The following QRSL1 variants were observed in gnomAD, a reference collection of about 807,000 sequenced individuals.
QRSL1 encodes the protein glutamyl-tRNA(Gln) amidotransferase subunit A, mitochondrial.
In QRSL1, 54 loss-of-function variants were observed where a neutral mutation model predicts 61.6. The ratio of observed to expected loss-of-function variants is 0.88; its 90% CI spans 0.70 to 1.10. The LOEUF is 1.10. Ranked by LOEUF, QRSL1 falls within the 50% of genes least tolerant of loss-of-function variation. QRSL1 has a pLI of 0.00. For missense variants in QRSL1, 505 were observed against 622.6 expected, an observed-to-expected ratio of 0.81 and a Z score of 2.01; for synonymous variants, 228 against 225.7, an observed-to-expected ratio of 1.01 and a Z score of -0.09.
At chr6:106,648,082 G>A (rs1777139963) in intron 4 of QRSL1, among the ~76,000 whole-genome samples, 1 of 151,714 alleles carries the variant, frequency 6.6e-6, no homozygotes, top group African/African-American at 2.4e-5. Context: ...TGGATTACGA[G>A]GTCAAGAGAT....
At chr6:106,662,265 A>G (rs1777369309) in intron 9 of QRSL1, among the ~76,000 whole-genome samples, 1 of 152,160 alleles carries the variant, frequency 6.6e-6, no homozygotes, top group Non-Finnish European at 1.5e-5. Context: ...GTTGCTGTGT[A>G]CTTTACTTTC....
Position 106,666,065 on chromosome 6 carries a change from G to T in QRSL1, c.*63G>T. Reference sequence around the variant, plus strand: ...GCAGTGGCTCACACCTGTAATCCCAGCACTTTGGGAGGCCAAGGCGAGCGG... The same window carrying T: ...GCAGTGGCTCACACCTGTAATCCCATCACTTTGGGAGGCCAAGGCGAGCGG... On this transcript the variant is annotated 3_prime_UTR_variant, in exon 11 of 11. Transcript: ENST00000369046. 10 of 1,413,486 alleles carry T rather than the reference G, an allele frequency of 7.1e-6. No homozygotes were observed. The South Asian group carries it at 1.2e-4, about 17-fold the overall frequency. The allele number at this position is 1,413,486 out of a possible 1,614,324, so 87.6% of individuals were successfully genotyped here.
At chr6:106,645,898 T>C (rs1777100135) in intron 4 of QRSL1, among the ~76,000 whole-genome samples, 1 of 152,222 alleles carries the variant, frequency 6.6e-6, no homozygotes, top group African/African-American at 2.4e-5. Context: ...TGTAGCAAAT[T>C]GTGTAGTCTA....
At chr6:106,663,238 C>T (rs1162143511) in intron 10 of QRSL1, 53 bp downstream of exon 10, 1 of 1,552,392 alleles carries the variant, frequency 6.4e-7, no homozygotes, top group Non-Finnish European at 8.9e-7. Context: ...AGGCAGGTAC[C>T]CTGGTCTTCA....
At chr6:106,639,149 CAG>C (rs1266856898) in intron 1 of QRSL1, among the ~76,000 whole-genome samples, 2 of 70,108 alleles carry the variant, frequency 2.9e-5, no homozygotes, top group African/African-American at 1.7e-4. Flanking sequence ...TTTTTTTTGA[CAG>C]AGTCTGGCTC....
At position 106,663,461 on chromosome 6, in the gene QRSL1, C is replaced by A. The variant is rs188136167; in HGVS notation, c.1366+276C>A. 8.5e-5 allele frequency among the ~76,000 whole-genome samples: 13 copies of A among 152,268 alleles called. No homozygotes were observed. The East Asian group carries it at 2.5e-3, about 29-fold the overall frequency. The stretch of plus-strand genomic sequence containing the variant: ...TGAGCAGCTTCCACTTCTGCGAATG[C>A]CTCAGGAAACTTAAATTCACAGTGG... On this transcript the variant is annotated intron_variant, in intron 10 of 10. Transcript: ENST00000369046.
rs1777008221 is a variant in QRSL1, at chr6:106,640,814, T to G, written c.185-9T>G. On this transcript the variant is annotated splice_polypyrimidine_tract_variant and intron_variant, in intron 2 of 10. Coordinates refer to ENST00000369046, the MANE Select transcript of QRSL1 (RefSeq NM_018292.5). Reference sequence around the variant, plus strand: ...TCTCCTTTATCACTCTTTTGGCTTTTTAATGCAGGACAGTCACTTGGGGAT... The same window carrying G: ...TCTCCTTTATCACTCTTTTGGCTTTGTAATGCAGGACAGTCACTTGGGGAT... 6.2e-7 allele frequency: 1 copy of G among 1,610,252 alleles called. No individual in the cohort carries two copies. Among genetic ancestry groups the G allele is most frequent in the Admixed American group, 1.7e-5 (1 of 59,846 alleles).
chr6:106,643,776 T>C (rs1204769875), intron 4 of QRSL1, among the ~76,000 whole-genome samples: 1 of 152,210 alleles, frequency 6.6e-6, no homozygotes, highest in Non-Finnish European at 1.5e-5. Context: ...GTCTCTGGTT[T>C]ATCTTTTTAT....
At chr6:106,651,432 C>T (rs1355052712) in intron 5 of QRSL1, among the ~76,000 whole-genome samples, 1 of 152,128 alleles carries the variant, frequency 6.6e-6, no homozygotes, top group African/African-American at 2.4e-5. Flanking sequence ...CACAATCTGA[C>T]TCACTGCAAC....
chr6:106,651,990 G>C (rs1357971720), intron 5 of QRSL1, among the ~76,000 whole-genome samples: 1 of 152,114 alleles, frequency 6.6e-6, no homozygotes, highest in East Asian at 1.9e-4. Context: ...AAAAAGACTT[G>C]AACTTAATAT....
intron 9 of QRSL1, among the ~76,000 whole-genome samples, chr6:106,657,175 A>G (rs764171422): frequency 5.9e-5 from 9 of 152,120 alleles, no homozygotes; most frequent in Non-Finnish European, 1.3e-4. Context: ...AGACTGAGGC[A>G]GGAGAATCAC....
At chr6:106,663,308 A>G in intron 10 of QRSL1, 123 bp downstream of exon 10, 1 of 825,282 alleles carries the variant, frequency 1.2e-6, no homozygotes, top group Non-Finnish European at 1.9e-6. Flanking sequence ...TGGAATGCTT[A>G]GGAGTGAGTG....
Position 106,652,598 on chromosome 6 carries a change from C to T in QRSL1, c.849+16C>T, listed in dbSNP as rs751341432. 2 of 1,614,016 alleles carry T rather than the reference C, an allele frequency of 1.2e-6. No homozygotes were observed. Among genetic ancestry groups the T allele is most frequent in the East Asian group, 2.2e-5 (1 of 44,890 alleles). ...AATTCCAAAGGTAACTTTTTCCTTT[C>T]ATTACTTTACAGAAATACTGTCAAG... On this transcript the variant is annotated intron_variant, in intron 7 of 10. Coordinates refer to ENST00000369046, the MANE Select transcript of QRSL1 (RefSeq NM_018292.5).
intron 9 of QRSL1, among the ~76,000 whole-genome samples, chr6:106,660,038 G>A (rs1441273427): frequency 1.3e-5 from 2 of 152,098 alleles, no homozygotes; most frequent in Non-Finnish European, 2.9e-5. Flanking sequence ...TCAGCACCCT[G>A]CTTTGCAAAT....
chr6:106,644,451 C>T (rs890404893), intron 4 of QRSL1, among the ~76,000 whole-genome samples: 7 of 152,160 alleles, frequency 4.6e-5, no homozygotes, highest in African/African-American at 9.7e-5. Context: ...CATCACCTCA[C>T]CTGGCTGAAT....
chr6:106,633,915 T>A (rs1485292065), intron 1 of QRSL1, among the ~76,000 whole-genome samples: 2 of 151,374 alleles, frequency 1.3e-5, no homozygotes, highest in East Asian at 1.9e-4. Context: ...GAAACCTAAC[T>A]TTTTTGTGTG....
chr6:106,636,570 T>C lies in QRSL1; in HGVS notation c.25-3779T>C, dbSNP rs550641476. On this transcript the variant is annotated intron_variant, in intron 1 of 10. Coordinates refer to ENST00000369046, the MANE Select transcript of QRSL1 (RefSeq NM_018292.5). ...TCTTGACCTTGTAATCTGCCCGCCT[T>C]GGCCTCCCAAAGTGCTGGGATTACA... Among the ~76,000 whole-genome samples the C allele has an allele frequency of 1.7e-4, 26 of 152,250 alleles. 1 individual carries two copies. The highest frequency in any genetic ancestry group is 7.7e-4 in the East Asian group (4 of 5,172).
chr6:106,655,244 T>A (rs1451287389), intron 8 of QRSL1, among the ~76,000 whole-genome samples: 1 of 152,200 alleles, frequency 6.6e-6, no homozygotes, highest in African/African-American at 2.4e-5. Flanking sequence ...AGTTTCTTTC[T>A]TGGTTCTTTT....
intron 4 of QRSL1, among the ~76,000 whole-genome samples, chr6:106,647,817 AT>A (rs1777134119): frequency 6.8e-6 from 1 of 147,374 alleles, no homozygotes. Context: ...CGCCCGGCTA[AT>A]TTTTTGTATT....
Sources: allele counts gnomAD v4.1 joint callset (sites outside exome capture counted in the v4.1 genomes callset), GRCh38; gene constraint gnomAD v4.1.1; transcripts MANE v1.5; gene names NCBI Gene and HGNC (gene_info 2026-07-23, HGNC 2026-07-21).